Variants in C2orf49 observed in about 807,000 individuals in gnomAD.
C2orf49 encodes tRNA-splicing ligase complex subunit ASW.
A neutral mutation model predicts 20.6 loss-of-function variants in C2orf49; 11 were observed. That is an observed-to-expected ratio of 0.53 (90% CI 0.34 to 0.88). The LOEUF (loss-of-function observed/expected upper bound fraction) is 0.88. C2orf49 is among the 40% of genes least tolerant of loss of function. The pLI is 0.02. For missense variants in C2orf49, 289 were observed against 274.2 expected (o/e 1.05, Z -0.38); for synonymous variants, 134 against 108.5 (o/e 1.24, Z -1.46).
At chr2:105,373,733 C>T in the C2orf49 span, 1 of 1,613,662 alleles carries the variant, frequency 6.2e-7, no homozygotes, top group Non-Finnish European at 8.5e-7. Flanking sequence ...TAAGACAAGT[C>T]CTGTGGGGCC....
the C2orf49 span, chr2:105,378,263 C>G: frequency 2.2e-6 from 1 of 456,000 alleles, no homozygotes; most frequent in Non-Finnish European, 4.6e-6. Flanking sequence ...ACACTTGAAA[C>G]TGTCCCTCTA....
At chr2:105,361,254 T>C in the C2orf49 span, 1 of 1,597,450 alleles carries the variant, frequency 6.3e-7, no homozygotes, top group Admixed American at 1.7e-5. Flanking sequence ...GTGTGTGAGA[T>C]CACAAGCAGC....
chr2:105,367,192 A>G, the C2orf49 span, among the ~76,000 whole-genome samples: 7 of 151,834 alleles, frequency 4.6e-5, no homozygotes, highest in Non-Finnish European at 1.0e-4. Context: ...TCTTCCTTCC[A>G]TCTTTCTCTC....
rs1013922722 is a variant in C2orf49 at position 105,348,719 on chromosome 2, C to A, written c.*3348C>A. On this transcript the variant is annotated 3_prime_UTR_variant, in exon 4 of 4. Transcript: ENST00000258457. ...TTGTACATTTTTGTATGTAAAAAGT[C>A]TTTTAAGTAGTCTTATCCTTATTTA... 7 of 151,840 alleles carry A rather than the reference C, an allele frequency of 4.6e-5. No homozygotes were observed. The highest frequency in any genetic ancestry group is 2.1e-4 in the South Asian group (1 of 4,822). 9.4% of individuals were successfully genotyped at this position (151,840 alleles called of 1,614,324 possible). A position where few individuals can be genotyped will look rare whatever the true frequency, so the allele number is the denominator to read the frequency against.
intron 3 of C2orf49, among the ~76,000 whole-genome samples, chr2:105,343,647 A>G (rs1679734045): frequency 6.6e-6 from 1 of 152,192 alleles, no homozygotes; most frequent in Non-Finnish European, 1.5e-5. Flanking sequence ...TGCATACCTT[A>G]AAACCACACC....
In C2orf49 at chr2:105,345,323, GAAGCCCCCAC is replaced by G; in HGVS notation, c.656_665del (p.Pro219GlnfsTer19). ...CTGTTCATGTCTTTCAGAATAACCT[GAAGCCCCCAC>G]AAGCAAAAAGGAAGATACAACATGT... On this transcript the variant is annotated frameshift_variant, in exon 4 of 4. Coordinates refer to ENST00000258457, the MANE Select transcript of C2orf49 (RefSeq NM_024093.3). LOFTEE classifies it high-confidence loss of function. 6.2e-7 allele frequency: 1 copy of G among 1,612,410 alleles called. No individual in the cohort carries two copies. Among genetic ancestry groups the G allele is most frequent in the Non-Finnish European group, 8.5e-7 (1 of 1,179,560 alleles).
chr2:105,360,254 A>G, the C2orf49 span: 19,596 of 141,494 alleles, frequency 0.14, 1,658 homozygotes, highest in East Asian at 0.43. Context: ...GTGAGCTGAG[A>G]TTGTGCCATT....
the C2orf49 span, among the ~76,000 whole-genome samples, chr2:105,365,616 G>GA: frequency 1.4e-5 from 2 of 140,668 alleles, no homozygotes; most frequent in Non-Finnish European, 3.1e-5. Flanking sequence ...TAAGAATAAA[G>GA]AAAAAAACAG....
At position 105,337,550 on chromosome 2, in the gene C2orf49, C is replaced by A. The variant is rs766034900; in HGVS notation, c.-38C>A. 1.9e-6 allele frequency: 3 copies of A among 1,612,632 alleles called. No individual in the cohort carries two copies. The highest frequency in any genetic ancestry group is 2.5e-6 in the Non-Finnish European group (3 of 1,179,794). ...CTTCCGCAACGCTTCCTTCGCGGGG[C>A]TTTGTGGGTAGCCGACTGGGGTCTC... On this transcript the variant is annotated 5_prime_UTR_variant, in exon 1 of 4. Coordinates refer to ENST00000258457, the MANE Select transcript of C2orf49 (RefSeq NM_024093.3).
rs749075878 is a variant in C2orf49 at position 105,339,765 on chromosome 2, T to C, written c.266+16T>C. The stretch of plus-strand genomic sequence containing the variant: ...AGACTAAAAGGTACTTTTTGGTGGT[T>C]CTAGCTTTCAATTTATCTTATATAA... On this transcript the variant is annotated intron_variant, in intron 2 of 3. Coordinates refer to ENST00000258457, the MANE Select transcript of C2orf49 (RefSeq NM_024093.3). The C allele has an allele frequency of 6.4e-7, 1 of 1,561,200 alleles. No individual in the cohort carries two copies. Among genetic ancestry groups the C allele is most frequent in the East Asian group, 2.3e-5 (1 of 43,682 alleles).
chr2:105,339,198 A>G (rs1679597781), intron 1 of C2orf49, among the ~76,000 whole-genome samples: 2 of 152,252 alleles, frequency 1.3e-5, no homozygotes, highest in African/African-American at 4.8e-5. Flanking sequence ...AGTAACACTC[A>G]AGGTAGCTTA....
At chr2:105,373,960 A>T in the C2orf49 span, 7 of 567,652 alleles carry the variant, frequency 1.2e-5, no homozygotes, top group African/African-American at 9.4e-5. Flanking sequence ...ACAGATGTGC[A>T]TGTATGCACA....
the C2orf49 span, among the ~76,000 whole-genome samples, chr2:105,357,301 C>T: frequency 6.6e-6 from 1 of 152,078 alleles, no homozygotes; most frequent in Admixed American, 6.6e-5. Flanking sequence ...TCTTCAAGTT[C>T]ACTGGTTTTC....
downstream of C2orf49, among the ~76,000 whole-genome samples, chr2:105,351,483 T>C (rs12997329): frequency 0.16 from 24,348 of 152,162 alleles, 2,163 homozygotes; most frequent in Middle Eastern, 0.23. Flanking sequence ...TAATTTTATT[T>C]AATGATTTAT....
At chr2:105,342,393 A>G (rs1004490804) in intron 2 of C2orf49, among the ~76,000 whole-genome samples, 1 of 152,214 alleles carries the variant, frequency 6.6e-6, no homozygotes, top group African/African-American at 2.4e-5. Context: ...TTGGCTTTAG[A>G]GACCTTTGCT....
At chr2:105,364,680 C>T in the C2orf49 span, among the ~76,000 whole-genome samples, 2 of 152,202 alleles carry the variant, frequency 1.3e-5, no homozygotes, top group Non-Finnish European at 2.9e-5. Flanking sequence ...AGTGCAAGCA[C>T]CTCACAATCA....
At position 105,337,580 on chromosome 2, in the gene C2orf49, C is replaced by A; in HGVS notation, c.-8C>A. On this transcript the variant is annotated 5_prime_UTR_variant, in exon 1 of 4. Coordinates refer to ENST00000258457, the MANE Select transcript of C2orf49 (RefSeq NM_024093.3). ...TGGGTAGCCGACTGGGGTCTCCTGG[C>A]GACGACCATGGCGGGGGATGTGGGC... The A allele has an allele frequency of 1.2e-6, 2 of 1,613,346 alleles. No individual in the cohort carries two copies. Among genetic ancestry groups the A allele is most frequent in the Non-Finnish European group, 1.7e-6 (2 of 1,179,962 alleles).
At chr2:105,356,668 C>T in the C2orf49 span, among the ~76,000 whole-genome samples, 1 of 152,186 alleles carries the variant, frequency 6.6e-6, no homozygotes, top group Admixed American at 6.5e-5. Context: ...TCCAACATCT[C>T]ATTGGTTTAG....
At chr2:105,363,332 C>G in the C2orf49 span, 1 of 1,614,206 alleles carries the variant, frequency 6.2e-7, no homozygotes, top group African/African-American at 1.3e-5. Context: ...ATACAAGTCA[C>G]AGAAGCAGTT....
Sources: gnomAD v4.1 joint callset for allele counts (sites outside exome capture counted in the v4.1 genomes callset) on GRCh38, gnomAD v4.1.1 for gene constraint, MANE v1.5 for transcripts, NCBI Gene and HGNC (gene_info 2026-07-23, HGNC 2026-07-21) for gene names.